MACC1: variants seen among roughly 807,000 people sequenced by gnomAD.
The protein encoded by MACC1 is metastasis-associated in colon cancer protein 1.
In MACC1, 79 loss-of-function variants were observed where a neutral mutation model predicts 70.7. The observed-to-expected ratio is 1.12, with a 90% CI of 0.93 to 1.35. The LOEUF (loss-of-function observed/expected upper bound fraction) is 1.35. Among genes scored for constraint, MACC1 ranks in the 40% most tolerant of loss-of-function variants. MACC1 has a pLI of 0.00. For synonymous variants in MACC1, 361 were observed against 347.2 expected (o/e 1.04, Z -0.44); for missense variants, 1,106 against 978.1 (o/e 1.13, Z -1.74).
intron 1 of MACC1, among the ~76,000 whole-genome samples, chr7:20,172,453 G>A (rs1373638875): frequency 6.6e-6 from 1 of 151,434 alleles, no homozygotes; most frequent in African/African-American, 2.4e-5. Context: ...CCATCATGAG[G>A]GAGAAAATAA....
intron 1 of MACC1, among the ~76,000 whole-genome samples, chr7:20,194,853 C>T (rs1319084477): frequency 6.6e-6 from 1 of 152,168 alleles, no homozygotes; most frequent in African/African-American, 2.4e-5. Flanking sequence ...AAAAATAGAG[C>T]ATGTTACTTC....
chr7:20,209,604 G>C (rs1463199360), intron 1 of MACC1, among the ~76,000 whole-genome samples: 1 of 152,228 alleles, frequency 6.6e-6, no homozygotes, highest in African/African-American at 2.4e-5. Context: ...GACTCATAGG[G>C]AGAAGGCACT....
rs1432225744 is a variant in MACC1, at chr7:20,138,210, T to G, written c.*2736A>C. The G allele has an allele frequency of 1.3e-5, 2 of 149,970 alleles. No homozygotes were observed. The highest frequency in any genetic ancestry group is 3.0e-5 in the Non-Finnish European group (2 of 67,486). The allele number at this position is 149,970 out of a possible 1,614,324, so 9.3% of individuals were successfully genotyped here. ...TCCCCTGGAAGGATTTGTTACAAGA[T>G]TATAAAATATATTTGTGTGTATTAA... On this transcript the variant is annotated 3_prime_UTR_variant, in exon 7 of 7. Coordinates refer to ENST00000400331, the MANE Select transcript of MACC1 (RefSeq NM_182762.4).
At position 20,159,366 on chromosome 7, in the gene MACC1, G is replaced by A. The variant is rs1227711313; in HGVS notation, c.995C>T (p.Thr332Ile). 1.2e-6 allele frequency: 2 copies of A among 1,613,918 alleles called. No homozygotes were observed. Among genetic ancestry groups the A allele is most frequent in the East Asian group, 2.2e-5 (1 of 44,884 alleles). The change falls in exon 5 of 7, where the codon ACC becomes ATC. Residue 332 changes from threonine (T) to isoleucine (I), a missense_variant. Transcript: ENST00000400331. ...CAAGTCGATTAGCTTGACTTGGATG[G>A]TGTCTTTATAAATGTAGCAGTTGCT... is the stretch of plus-strand genomic sequence containing the variant. ...VLSNCYIYKD[T>I]IQVKLIDLSQ... is the part of the protein sequence containing the mutation.
intron 1 of MACC1, among the ~76,000 whole-genome samples, chr7:20,206,002 G>C (rs1782905978): frequency 6.6e-6 from 1 of 151,900 alleles, no homozygotes; most frequent in African/African-American, 2.4e-5. Flanking sequence ...TTTTGGGATA[G>C]TTTCACAATC....
intron 5 of MACC1, among the ~76,000 whole-genome samples, chr7:20,155,926 C>T (rs73683394): frequency 0.019 from 2,886 of 152,280 alleles, 101 homozygotes; most frequent in African/African-American, 0.066. Context: ...TAAAATCCAG[C>T]TCCACATAGT....
intron 5 of MACC1, 115 bp downstream of exon 5, chr7:20,158,085 AATGT>A: frequency 2.5e-6 from 3 of 1,190,474 alleles, no homozygotes; most frequent in Non-Finnish European, 3.4e-6. Context: ...AAGTGTCTTT[AATGT>A]ATTTAAGACT....
intron 2 of MACC1, among the ~76,000 whole-genome samples, chr7:20,169,483 T>A (rs1487403626): frequency 5.9e-5 from 9 of 152,218 alleles, no homozygotes; most frequent in Non-Finnish European, 5.9e-5. Context: ...GCTGTAACTG[T>A]AGGGTCCTCA....
At chr7:20,215,727 G>A (rs1783060131) in intron 1 of MACC1, among the ~76,000 whole-genome samples, 1 of 152,206 alleles carries the variant, frequency 6.6e-6, no homozygotes, top group Non-Finnish European at 1.5e-5. Flanking sequence ...CAACAGACAT[G>A]TCTTCAAGTT....
chr7:20,188,165 C>A (rs1450795167), intron 1 of MACC1, among the ~76,000 whole-genome samples: 4 of 152,206 alleles, frequency 2.6e-5, no homozygotes, highest in Non-Finnish European at 5.9e-5. Flanking sequence ...ATTCAATTAT[C>A]TCCACCTGGT....
In MACC1 at chr7:20,154,135, A is replaced by G. The variant is rs1250800502; in HGVS notation, c.2346+58T>C. On this transcript the variant is annotated intron_variant, in intron 6 of 6. Transcript: ENST00000400331. ...GTGAATGTGGTATGGGTTTGATTAC[A>G]TTAGTGTTACTTGGTCTGCAACTTT... is the stretch of plus-strand genomic sequence containing the variant. 46 of 1,573,396 alleles carry G rather than the reference A, an allele frequency of 2.9e-5. No homozygotes were observed. In the Admixed American group the frequency reaches 7.2e-4, roughly 25 times the overall value.
chr7:20,157,599 CAT>C (rs1562584702), intron 5 of MACC1, among the ~76,000 whole-genome samples: 1 of 147,626 alleles, frequency 6.8e-6, no homozygotes, highest in Non-Finnish European at 1.5e-5. Flanking sequence ...TCTTGGGAAA[CAT>C]AGTGAGACAC....
At chr7:20,188,293 T>C (rs938211075) in intron 1 of MACC1, among the ~76,000 whole-genome samples, 1 of 152,146 alleles carries the variant, frequency 6.6e-6, no homozygotes, top group African/African-American at 2.4e-5. Context: ...TTTGACTTCC[T>C]GTATTTGAAC....
intron 1 of MACC1, among the ~76,000 whole-genome samples, chr7:20,204,473 G>A (rs1289976177): frequency 6.6e-6 from 1 of 152,160 alleles, no homozygotes; most frequent in East Asian, 1.9e-4. Context: ...TTTAGGATGT[G>A]ATCTTCGAGT....
chr7:20,198,147 T>C (rs1405695078), intron 1 of MACC1, among the ~76,000 whole-genome samples: 1 of 152,160 alleles, frequency 6.6e-6, no homozygotes, highest in African/African-American at 2.4e-5. Context: ...AAGAAGACCA[T>C]ATCATCTGGA....
intron 6 of MACC1, among the ~76,000 whole-genome samples, chr7:20,145,588 G>A (rs1475756956): frequency 6.6e-6 from 1 of 152,148 alleles, no homozygotes; most frequent in Non-Finnish European, 1.5e-5. Context: ...AAGGGGATTT[G>A]GATTTGAATC....
At chr7:20,204,446 C>A (rs1421636198) in intron 1 of MACC1, among the ~76,000 whole-genome samples, 1 of 152,204 alleles carries the variant, frequency 6.6e-6, no homozygotes, top group Non-Finnish European at 1.5e-5. Context: ...AGCCACTGCA[C>A]CCGGCCTGCT....
At chr7:20,190,464 C>T (rs954323717) in intron 1 of MACC1, among the ~76,000 whole-genome samples, 3 of 152,006 alleles carry the variant, frequency 2.0e-5, no homozygotes, top group African/African-American at 7.3e-5. Context: ...AAAACTTTCT[C>T]AATATAAATT....
intron 1 of MACC1, among the ~76,000 whole-genome samples, chr7:20,201,246 T>A (rs930964070): frequency 2.0e-5 from 3 of 152,114 alleles, no homozygotes; most frequent in African/African-American, 7.2e-5. Flanking sequence ...GTCCCCCCCA[T>A]GGACTAATTA....
Sources: gnomAD v4.1 joint callset for allele counts (sites outside exome capture counted in the v4.1 genomes callset) on GRCh38, gnomAD v4.1.1 for gene constraint, MANE v1.5 for transcripts, NCBI Gene and HGNC (gene_info 2026-07-23, HGNC 2026-07-21) for gene names.